PLCH1: variants seen among roughly 807,000 people sequenced by gnomAD.
PLCH1 encodes phospholipase C eta 1.
PLCH1 carries 60 observed loss-of-function variants against 126.7 expected under a neutral mutation model. That is an observed-to-expected ratio of 0.47 (90% CI 0.38 to 0.59). The LOEUF is 0.59. Among genes scored for constraint, PLCH1 ranks in the 20% least tolerant of loss-of-function variants. The probability of loss-of-function intolerance (pLI) is 0.00; values close to 1 mark genes in which losing one functional copy is unlikely to be tolerated. For synonymous variants in PLCH1, 719 were observed against 734.9 expected (o/e 0.98, Z 0.35); for missense variants, 1,723 against 2,040.0 (o/e 0.84, Z 2.99).
At chr3:155,697,435 A>C (rs1745907989) in intron 2 of PLCH1, among the ~76,000 whole-genome samples, 1 of 152,104 alleles carries the variant, frequency 6.6e-6, no homozygotes, top group Non-Finnish European at 1.5e-5. Context: ...CAGAGATGGC[A>C]CTCTGAGGAG....
chr3:155,625,340 C>T (rs946002799), intron 2 of PLCH1, among the ~76,000 whole-genome samples: 1 of 152,080 alleles, frequency 6.6e-6, no homozygotes, highest in African/African-American at 2.4e-5. Flanking sequence ...TGGGCAAAGA[C>T]TTCATGACTA....
At chr3:155,603,037 C>G (rs1733936735) in intron 2 of PLCH1, among the ~76,000 whole-genome samples, 1 of 152,126 alleles carries the variant, frequency 6.6e-6, no homozygotes, top group Non-Finnish European at 1.5e-5. Flanking sequence ...GAATCATGAC[C>G]ATTCGCCGAG....
intron 6 of PLCH1, among the ~76,000 whole-genome samples, chr3:155,574,480 T>C (rs1729671756): frequency 6.6e-6 from 1 of 152,250 alleles, no homozygotes. Flanking sequence ...CTCTGGGGTC[T>C]CCTTTAAATC....
intron 21 of PLCH1, among the ~76,000 whole-genome samples, chr3:155,456,144 T>A (rs1032552007): frequency 6.6e-6 from 1 of 152,164 alleles, no homozygotes; most frequent in Non-Finnish European, 1.5e-5. Flanking sequence ...CTGACCTCCT[T>A]CTCAAAATAC....
At chr3:155,683,426 C>A (rs958249740) in intron 2 of PLCH1, among the ~76,000 whole-genome samples, 2 of 152,124 alleles carry the variant, frequency 1.3e-5, no homozygotes, top group Non-Finnish European at 1.5e-5. Context: ...CTTGAGCAAT[C>A]CATGAAAATA....
In PLCH1 at chr3:155,697,987, G is replaced by A. The variant is rs568359864; in HGVS notation, c.79+6159C>T. ...TTGAATTCTCCTTCAAGGGGAAGGA[G>A]TATAGCAGAGACAAAGGAACTCCCA... On this transcript the variant is annotated intron_variant, in intron 2 of 22. Transcript: ENST00000460012. Among the ~76,000 whole-genome samples the A allele has an allele frequency of 4.7e-4, 71 of 152,290 alleles. No homozygotes were observed. In the Middle Eastern group the frequency reaches 0.01, roughly 22 times the overall value.
At position 155,504,425 on chromosome 3, in the gene PLCH1, A is replaced by G. The variant is rs1378274451; in HGVS notation, c.1704+130T>C. The G allele has an allele frequency of 1.8e-5, 10 of 567,194 alleles. 1 individual carries two copies. In the South Asian group the frequency reaches 2.2e-4, roughly 13 times the overall value. 35.1% of individuals were successfully genotyped at this position (567,194 alleles called of 1,614,324 possible). On this transcript the variant is annotated intron_variant, in intron 13 of 22. Coordinates refer to ENST00000460012, the MANE Select transcript of PLCH1 (RefSeq NM_014996.4). The stretch of plus-strand genomic sequence containing the variant: ...AACTTTTAAAGTAGTTTAAATATCA[A>G]TCTTTTCCTTTGCTGACGTGCTGGT...
At chr3:155,685,773 T>C (rs1330711544) in intron 2 of PLCH1, among the ~76,000 whole-genome samples, 3 of 152,174 alleles carry the variant, frequency 2.0e-5, no homozygotes, top group African/African-American at 7.2e-5. Context: ...CTGTATGAAA[T>C]GAAAACATGG....
At chr3:155,454,205 A>T (rs1712383323) in intron 21 of PLCH1, among the ~76,000 whole-genome samples, 1 of 152,196 alleles carries the variant, frequency 6.6e-6, no homozygotes, top group African/African-American at 2.4e-5. Context: ...ATACCATGGC[A>T]CCAGCTTTTG....
intron 10 of PLCH1, among the ~76,000 whole-genome samples, chr3:155,526,398 C>G (rs991651074): frequency 6.2e-5 from 6 of 96,496 alleles, no homozygotes; most frequent in African/African-American, 3.9e-4. Flanking sequence ...TCTTCTTTCT[C>G]TCTCTCTCTT....
rs544670480 is a variant in PLCH1, at chr3:155,636,898, G to A, written c.80-40520C>T. ...AGAAAACTTTTATAACAATTAGATA[G>A]TCTAATTTTATATTTGTTAAATCTA... On this transcript the variant is annotated intron_variant, in intron 2 of 22. Transcript: ENST00000460012. 2.6e-4 allele frequency among the ~76,000 whole-genome samples: 39 copies of A among 152,016 alleles called. 1 individual carries two copies. The highest frequency in any genetic ancestry group is 1.7e-3 in the East Asian group (9 of 5,186).
In PLCH1 at chr3:155,674,840, T is replaced by C. The variant is rs183595035; in HGVS notation, c.79+29306A>G. On this transcript the variant is annotated intron_variant, in intron 2 of 22. Transcript: ENST00000460012. ...AGATCATCTTATGTGGTAAAGGTAA[T>C]AGAAGTCACTTTCATCATTACTTCC... 1.5e-3 allele frequency among the ~76,000 whole-genome samples: 225 copies of C among 152,310 alleles called. 1 individual carries two copies. The highest frequency in any genetic ancestry group is 5.2e-3 in the African/African-American group (217 of 41,582).
rs746461564 is a variant in PLCH1, at chr3:155,549,931, A to G, written c.1218T>C (p.Asn406=). Residue 406 remains asparagine (N), a synonymous_variant, in exon 10 of 23, where the codon AAT becomes AAC. Transcript: ENST00000460012. ...TCCTTTGCTGCTGGATACTGCAGTG[A>G]TTCTCGATAGACAATATAACAGGAA... is the stretch of plus-strand genomic sequence containing the variant. ...NEFPVILSIE[N]HCSIQQQRKI... is the part of the protein sequence containing the mutation. 137 of 1,613,850 alleles carry G rather than the reference A, an allele frequency of 8.5e-5. 4 individuals carry two copies. In the South Asian group the frequency reaches 1.4e-3, roughly 16 times the overall value.
chr3:155,615,877 A>G (rs2108752013), intron 2 of PLCH1, among the ~76,000 whole-genome samples: 1 of 152,286 alleles, frequency 6.6e-6, no homozygotes, highest in East Asian at 1.9e-4. Context: ...GAACTTACAC[A>G]TGTAACCAAA....
chr3:155,591,200 G>A (rs999179292), intron 4 of PLCH1, among the ~76,000 whole-genome samples: 6 of 152,180 alleles, frequency 3.9e-5, no homozygotes, highest in Non-Finnish European at 7.3e-5. Flanking sequence ...ACTGGATGAG[G>A]CTAGAAGCTT....
At chr3:155,524,034 A>C (rs1284301566) in intron 10 of PLCH1, 30 bp from the exon 11 acceptor site, 1 of 1,285,880 alleles carries the variant, frequency 7.8e-7, no homozygotes, top group South Asian at 1.2e-5. Flanking sequence ...CCCATTTAAA[A>C]ATGAGAATAA....
At chr3:155,657,490 A>G (rs780362299) in intron 2 of PLCH1, among the ~76,000 whole-genome samples, 2 of 152,282 alleles carry the variant, frequency 1.3e-5, no homozygotes, top group Middle Eastern at 3.4e-3. Flanking sequence ...TCGGCTGAGT[A>G]CTAATTAGTG....
chr3:155,537,223 A>AAAAAAAAAAAAAAAAAAAC (rs1723543591), intron 10 of PLCH1, among the ~76,000 whole-genome samples: 1 of 10,782 alleles, frequency 9.3e-5, no homozygotes, highest in Non-Finnish European at 9.9e-4. Flanking sequence ...AAAAAAAAAA[A>AAAAAAAAAAAAAAAAAAAC]AAAAAAAAAA....
intron 1 of PLCH1, among the ~76,000 whole-genome samples, chr3:155,713,424 G>A (rs905050382): frequency 2.0e-5 from 3 of 152,206 alleles, no homozygotes; most frequent in Non-Finnish European, 4.4e-5. Flanking sequence ...AATGAAATTT[G>A]AGTGAGCTAC....
Sources: gnomAD v4.1 joint callset for allele counts (sites outside exome capture counted in the v4.1 genomes callset) on GRCh38, gnomAD v4.1.1 for gene constraint, MANE v1.5 for transcripts, NCBI Gene and HGNC (gene_info 2026-07-23, HGNC 2026-07-21) for gene names.